The following NR2F1-AS1 variants were observed in gnomAD, a reference collection of about 807,000 sequenced individuals.
NR2F1-AS1 encodes the protein NR2F1 antisense RNA 1.
At chr5:93,553,733 T>C (rs1266654707) in intron 4 of NR2F1-AS1, 1 of 152,178 alleles carries the variant, frequency 6.6e-6, no homozygotes, top group Non-Finnish European at 1.5e-5. Context: ...AACATGATCC[T>C]TCATGTATTA....
chr5:93,440,218 T>TCA (rs1308034701), intron 4 of NR2F1-AS1, among the ~76,000 whole-genome samples: 4,050 of 148,996 alleles, frequency 0.027, 127 homozygotes, highest in African/African-American at 0.084. Flanking sequence ...TCTCTCTCTC[T>TCA]CACACACACA....
chr5:93,575,790 G>T (rs1752881892), intron 1 of NR2F1-AS1, among the ~76,000 whole-genome samples: 1 of 152,136 alleles, frequency 6.6e-6, no homozygotes, highest in African/African-American at 2.4e-5. Flanking sequence ...TGAAGAGTCA[G>T]CTGAAAGTAT....
At chr5:93,443,745 T>C (rs967487627) in intron 4 of NR2F1-AS1, among the ~76,000 whole-genome samples, 3 of 152,072 alleles carry the variant, frequency 2.0e-5, no homozygotes, top group Admixed American at 6.5e-5. Flanking sequence ...AGACACATAA[T>C]TGTCAGATTC....
chr5:93,455,386 A>C (rs1208745402), intron 4 of NR2F1-AS1, among the ~76,000 whole-genome samples: 1 of 152,178 alleles, frequency 6.6e-6, no homozygotes, highest in Non-Finnish European at 1.5e-5. Flanking sequence ...ACCCCAGAGC[A>C]ATCACTAGTA....
In NR2F1-AS1 at chr5:93,514,718, T is replaced by C. The variant is rs1351942147; in HGVS notation, n.638+39043A>G. 2.6e-5 allele frequency among the ~76,000 whole-genome samples: 4 copies of C among 152,206 alleles called. No individual in the cohort carries two copies. The East Asian group carries it at 7.7e-4, about 29-fold the overall frequency. On this transcript the variant is annotated intron_variant and non_coding_transcript_variant, in intron 4 of 5. Transcript: ENST00000660523. ...ACAGATCTAATATTATACAAGAGTA[T>C]AATTAGGAATCAAAAAGGCTAACCA...
At chr5:93,429,406 A>G (rs1749263981) in intron 4 of NR2F1-AS1, among the ~76,000 whole-genome samples, 1 of 152,234 alleles carries the variant, frequency 6.6e-6, no homozygotes, top group African/African-American at 2.4e-5. Flanking sequence ...CACAGCTTAC[A>G]AAATATCCCT....
At chr5:93,495,603 T>G (rs1750942398) in intron 4 of NR2F1-AS1, among the ~76,000 whole-genome samples, 1 of 152,062 alleles carries the variant, frequency 6.6e-6, no homozygotes, top group South Asian at 2.1e-4. Context: ...AATCTGAAGA[T>G]AATACCTACT....
chr5:93,499,140 A>T (rs1015463088), intron 4 of NR2F1-AS1, among the ~76,000 whole-genome samples: 2 of 152,216 alleles, frequency 1.3e-5, no homozygotes, highest in African/African-American at 4.8e-5. Flanking sequence ...ATTTGGTAAG[A>T]AATGTCATAA....
At chr5:93,562,007 G>C (rs1752499279) in intron 2 of NR2F1-AS1, among the ~76,000 whole-genome samples, 1 of 151,476 alleles carries the variant, frequency 6.6e-6, no homozygotes, top group Admixed American at 6.6e-5. Context: ...AAAATATTTT[G>C]AAGTATTAAG....
At chr5:93,449,408 C>A (rs1476037867) in intron 4 of NR2F1-AS1, among the ~76,000 whole-genome samples, 1 of 152,130 alleles carries the variant, frequency 6.6e-6, no homozygotes, top group Non-Finnish European at 1.5e-5. Flanking sequence ...CAATGTAGAT[C>A]ATCTTACTTT....
upstream of NR2F1-AS1, among the ~76,000 whole-genome samples, chr5:93,581,741 TCC>T (rs1406542439): frequency 5.6e-5 from 1 of 17,780 alleles, no homozygotes; most frequent in Non-Finnish European, 9.9e-5. Context: ...TCTCCCCCTC[TCC>T]CTCTCCCTCT....
intron 1 of NR2F1-AS1, chr5:93,571,205 G>A (rs539215877): frequency 6.6e-6 from 1 of 151,892 alleles, no homozygotes; most frequent in Non-Finnish European, 1.5e-5. Context: ...GAAAGCCTCG[G>A]GCACTCCCAG....
chr5:93,445,717 T>G (rs1749689406), intron 4 of NR2F1-AS1, among the ~76,000 whole-genome samples: 1 of 152,188 alleles, frequency 6.6e-6, no homozygotes, highest in Non-Finnish European at 1.5e-5. Context: ...AGCATCATCC[T>G]GATACCAAAG....
In NR2F1-AS1 at chr5:93,579,458, A is replaced by G. The variant is rs1331185386; in HGVS notation, n.313+1009T>C. Among the ~76,000 whole-genome samples, 1 of 152,084 alleles carries G rather than the reference A, an allele frequency of 6.6e-6. No individual in the cohort carries two copies. The highest frequency in any genetic ancestry group is 1.5e-5 in the Non-Finnish European group (1 of 68,014). On this transcript the variant is annotated intron_variant and non_coding_transcript_variant, in intron 1 of 5. Transcript: ENST00000660523. This position sits in a 1 kb window ranked among gnomAD's most constrained non-coding sequence, Gnocchi z 5.1. ...TTGAAAGCTCTGTGGGGGCACGGAG[A>G]GCCCACAGTAAGGATGGGTGGGCGC...
intron 4 of NR2F1-AS1, among the ~76,000 whole-genome samples, chr5:93,453,275 T>C (rs1193761247): frequency 6.6e-6 from 1 of 151,194 alleles, no homozygotes; most frequent in East Asian, 1.9e-4. Flanking sequence ...AAAACACAAG[T>C]AGAAAAAGAC....
intron 4 of NR2F1-AS1, among the ~76,000 whole-genome samples, chr5:93,439,387 G>A (rs923498014): frequency 2.0e-5 from 3 of 152,034 alleles, no homozygotes; most frequent in South Asian, 2.1e-4. Context: ...TCCGCCCCCC[G>A]GGGTTCACGC....
Position 93,452,962 on chromosome 5 carries a change from T to C in NR2F1-AS1, n.639-57420A>G, listed in dbSNP as rs188586502. On this transcript the variant is annotated intron_variant and non_coding_transcript_variant, in intron 4 of 5. Transcript: ENST00000660523. Reference sequence around the variant, plus strand: ...AAAAAAATTACAAAGCAAGAAATATTACCCATAATCCAAAGAAAACACAAT... The same window carrying C: ...AAAAAAATTACAAAGCAAGAAATATCACCCATAATCCAAAGAAAACACAAT... Among the ~76,000 whole-genome samples the C allele has an allele frequency of 1.8e-4, 28 of 151,990 alleles. No individual in the cohort carries two copies. The East Asian group carries it at 4.8e-3, about 26-fold the overall frequency.
At chr5:93,585,089 C>T (rs971963375), upstream of NR2F1-AS1, 2 of 1,011,850 alleles carry the variant, frequency 2.0e-6, no homozygotes, top group African/African-American at 3.5e-5. Flanking sequence ...ACCCCGGCGG[C>T]CCCAACCCCG....
At chr5:93,585,213 C>G, upstream of NR2F1-AS1, 2 of 1,543,972 alleles carry the variant, frequency 1.3e-6, no homozygotes, top group Non-Finnish European at 1.7e-6. Context: ...GCCCGCCACC[C>G]CCGGCACGGC....
Sources: gnomAD v4.1 joint callset for allele counts (sites outside exome capture counted in the v4.1 genomes callset) on GRCh38, gnomAD v4.1.1 for gene constraint, Gnocchi (gnomAD v3.1) non-coding constraint, MANE v1.5 for transcripts, NCBI Gene and HGNC (gene_info 2026-07-23, HGNC 2026-07-21) for gene names.